Variants in FRMD4A observed in about 807,000 individuals in gnomAD.
The protein encoded by FRMD4A is FERM domain containing 4A, also known as FERM domain-containing protein 4A.
A neutral mutation model predicts 129.1 loss-of-function variants in FRMD4A; 29 were observed. That is an observed-to-expected ratio of 0.22 (90% CI 0.17 to 0.31). The LOEUF (loss-of-function observed/expected upper bound fraction) is 0.31. FRMD4A is among the 10% of genes least tolerant of loss of function. The pLI, the probability that FRMD4A is intolerant of heterozygous loss-of-function variation, is 1.00. For missense variants in FRMD4A, 1,272 were observed against 1,375.8 expected, an observed-to-expected ratio of 0.92 and a Z score of 1.19; for synonymous variants, 634 against 571.6, an observed-to-expected ratio of 1.11 and a Z score of -1.56.
rs1428650431 is a variant in FRMD4A at position 13,644,640 on chromosome 10, C to G, written c.*2398G>C. 2 of 152,224 alleles carry G rather than the reference C, an allele frequency of 1.3e-5. No individual in the cohort carries two copies. Among genetic ancestry groups the G allele is most frequent in the Non-Finnish European group, 2.9e-5 (2 of 68,048 alleles). The allele number at this position is 152,224 out of a possible 1,614,324, so 9.4% of individuals were successfully genotyped here. ...TTTCTCCAGACTAGATTTCAAGCTA[C>G]TATGCATGATGTAGAACATGTAACC... On this transcript the variant is annotated 3_prime_UTR_variant, in exon 25 of 25. Transcript: ENST00000357447.
At chr10:14,104,310 C>G (rs565780819) in intron 2 of FRMD4A, among the ~76,000 whole-genome samples, 8 of 152,156 alleles carry the variant, frequency 5.3e-5, no homozygotes, top group African/African-American at 4.8e-5. Flanking sequence ...ACACCGCCAT[C>G]AAGGTCTACA....
intron 2 of FRMD4A, among the ~76,000 whole-genome samples, chr10:14,090,523 A>G (rs923527938): frequency 6.6e-5 from 10 of 152,188 alleles, no homozygotes. Context: ...AAATGCAGAC[A>G]CAGGTGAAGG....
chr10:13,975,840 C>T (rs1402106713), intron 2 of FRMD4A, among the ~76,000 whole-genome samples: 4 of 152,206 alleles, frequency 2.6e-5, no homozygotes, highest in African/African-American at 9.7e-5. Flanking sequence ...CTCCTGCACA[C>T]TGTGACGAAG....
At chr10:14,134,707 G>GTGGA (rs1839445030) in intron 2 of FRMD4A, among the ~76,000 whole-genome samples, 1 of 151,120 alleles carries the variant, frequency 6.6e-6, no homozygotes, top group South Asian at 2.1e-4. Flanking sequence ...CAATAGATGG[G>GTGGA]TGGATGGATG....
At chr10:13,903,232 C>T (rs190790055) in intron 2 of FRMD4A, among the ~76,000 whole-genome samples, 1 of 152,272 alleles carries the variant, frequency 6.6e-6, no homozygotes, top group East Asian at 1.9e-4. Flanking sequence ...CACCTGCCCA[C>T]CTCCTGCTCC....
At chr10:13,954,685 T>G (rs981303414) in intron 2 of FRMD4A, among the ~76,000 whole-genome samples, 2 of 152,158 alleles carry the variant, frequency 1.3e-5, no homozygotes, top group Non-Finnish European at 2.9e-5. Context: ...ATGGCAGCAG[T>G]GCCCTATGCT....
intron 2 of FRMD4A, among the ~76,000 whole-genome samples, chr10:14,061,709 T>C (rs376126356): frequency 2.0e-5 from 3 of 152,262 alleles, no homozygotes; most frequent in African/African-American, 7.2e-5. Context: ...GTTGTCCTTA[T>C]GATAAAAAGA....
chr10:14,037,337 C>A (rs1173130084), intron 2 of FRMD4A, among the ~76,000 whole-genome samples: 1 of 152,210 alleles, frequency 6.6e-6, no homozygotes, highest in Non-Finnish European at 1.5e-5. Context: ...CCTGCCTCAG[C>A]CTCCTGAGCA....
chr10:14,330,032 G>A (rs1260112248), intron 2 of FRMD4A, 26 bp downstream of exon 2: 37 of 1,551,144 alleles, frequency 2.4e-5, no homozygotes, highest in Non-Finnish European at 3.2e-5. Context: ...CGCTGCCCGG[G>A]CCCCACCTCC....
At chr10:14,071,395 C>A (rs1417776291) in intron 2 of FRMD4A, among the ~76,000 whole-genome samples, 1 of 152,086 alleles carries the variant, frequency 6.6e-6, no homozygotes, top group Non-Finnish European at 1.5e-5. Context: ...GCTTTTTTAG[C>A]TGAAAGATAA....
intron 14 of FRMD4A, among the ~76,000 whole-genome samples, chr10:13,695,523 T>C (rs994495455): frequency 7.9e-5 from 12 of 152,346 alleles, no homozygotes; most frequent in African/African-American, 2.9e-4. Flanking sequence ...CCCACACGTG[T>C]GTCCAATGTT....
intron 2 of FRMD4A, chr10:14,074,412 G>C (rs1835465681): frequency 6.6e-6 from 1 of 152,198 alleles, no homozygotes. Context: ...CATAGCTGCA[G>C]TGTTGGATAT....
chr10:14,220,084 T>C (rs115173378), intron 2 of FRMD4A, among the ~76,000 whole-genome samples: 441 of 152,230 alleles, frequency 2.9e-3, no homozygotes, highest in African/African-American at 9.9e-3. Context: ...CAATCCCGGG[T>C]CTGGGTTGTC....
chr10:14,317,823 C>T (rs1294438339), intron 2 of FRMD4A, among the ~76,000 whole-genome samples: 1 of 150,544 alleles, frequency 6.6e-6, no homozygotes, highest in African/African-American at 2.4e-5. Context: ...CAAAGGAGTC[C>T]AAAAAATAGT....
intron 2 of FRMD4A, among the ~76,000 whole-genome samples, chr10:14,142,804 T>TA (rs1038614202): frequency 6.6e-6 from 1 of 152,170 alleles, no homozygotes; most frequent in Non-Finnish European, 1.5e-5. Flanking sequence ...GTTCACATAC[T>TA]AAAAATGGAA....
At chr10:13,866,611 C>T (rs1224609307) in intron 2 of FRMD4A, among the ~76,000 whole-genome samples, 2 of 152,162 alleles carry the variant, frequency 1.3e-5, no homozygotes, top group Non-Finnish European at 2.9e-5. Flanking sequence ...CACGCAGTTA[C>T]AGCAACCTCA....
chr10:14,088,981 G>C (rs972455243), intron 2 of FRMD4A, among the ~76,000 whole-genome samples: 1 of 151,958 alleles, frequency 6.6e-6, no homozygotes, highest in Non-Finnish European at 1.5e-5. Context: ...CCAGCTGCCT[G>C]TAATAATAAG....
chr10:14,326,853 T>C (rs1589318369), intron 2 of FRMD4A: 4 of 398,552 alleles, frequency 1.0e-5, no homozygotes, highest in Non-Finnish European at 1.8e-5. Context: ...CAGCAGTATC[T>C]TCTTTCGCTG....
At chr10:13,679,997 A>AGCAG (rs2084397252) in intron 15 of FRMD4A, among the ~76,000 whole-genome samples, 1 of 152,210 alleles carries the variant, frequency 6.6e-6, no homozygotes. Flanking sequence ...CCACTGACCC[A>AGCAG]GCAGGTTGGT....
Sources: gnomAD v4.1 joint callset for allele counts (sites outside exome capture counted in the v4.1 genomes callset) on GRCh38, gnomAD v4.1.1 for gene constraint, MANE v1.5 for transcripts, NCBI Gene and HGNC (gene_info 2026-07-23, HGNC 2026-07-21) for gene names.